DTNB: variants seen among roughly 807,000 people sequenced by gnomAD.
The protein encoded by DTNB is dystrobrevin beta.
In DTNB, 63 loss-of-function variants were observed where a neutral mutation model predicts 90.7. That is an observed-to-expected ratio of 0.69 (90% CI 0.57 to 0.86). The LOEUF (loss-of-function observed/expected upper bound fraction) is 0.86. Among genes scored for constraint, DTNB ranks in the 40% least tolerant of loss-of-function variants. The pLI is 0.00. For missense variants in DTNB, 744 were observed against 807.1 expected (o/e 0.92, Z 0.95); for synonymous variants, 277 against 286.7 (o/e 0.97, Z 0.34).
chr2:25,551,943 A>T (rs114635002), intron 8 of DTNB, among the ~76,000 whole-genome samples: 99 of 152,378 alleles, frequency 6.5e-4, no homozygotes, highest in Non-Finnish European at 1.1e-3. Context: ...CTTCAGCTAT[A>T]AACCCTGTTA....
intron 5 of DTNB, 142 bp downstream of exon 5, chr2:25,607,094 T>TA: frequency 1.3e-6 from 1 of 792,830 alleles, no homozygotes; most frequent in South Asian, 2.2e-5. Flanking sequence ...ATAACTCACC[T>TA]ACTGTGAGCC....
At chr2:25,590,904 A>G (rs1236368864) in intron 6 of DTNB, among the ~76,000 whole-genome samples, 3 of 152,124 alleles carry the variant, frequency 2.0e-5, no homozygotes, top group African/African-American at 7.2e-5. Context: ...TGTTCATGGC[A>G]CCCAGGTGTT....
chr2:25,466,944 T>C (rs1257554475), intron 10 of DTNB, among the ~76,000 whole-genome samples: 1 of 152,220 alleles, frequency 6.6e-6, no homozygotes, highest in Non-Finnish European at 1.5e-5. Flanking sequence ...GTGAAAGAGT[T>C]CCGTCAAAGT....
chr2:25,407,877 A>G (rs1402985068), intron 16 of DTNB, among the ~76,000 whole-genome samples: 1 of 152,046 alleles, frequency 6.6e-6, no homozygotes, highest in African/African-American at 2.4e-5. Context: ...CCACTAAATC[A>G]CTCATCCATG....
intron 9 of DTNB, among the ~76,000 whole-genome samples, chr2:25,520,369 C>A (rs570072661): frequency 6.6e-6 from 1 of 152,212 alleles, no homozygotes; most frequent in Non-Finnish European, 1.5e-5. Context: ...AAGACTCCGT[C>A]TCAAACAAAC....
At chr2:25,474,835 C>T (rs2063460849) in intron 10 of DTNB, among the ~76,000 whole-genome samples, 1 of 152,156 alleles carries the variant, frequency 6.6e-6, no homozygotes, top group African/African-American at 2.4e-5. Context: ...TCAAACTTCT[C>T]CATTATTATC....
intron 1 of DTNB, among the ~76,000 whole-genome samples, chr2:25,654,274 G>C (rs950127532): frequency 6.6e-6 from 1 of 152,162 alleles, no homozygotes; most frequent in Non-Finnish European, 1.5e-5. Flanking sequence ...ACCACCTTTA[G>C]AGATTGGCCT....
chr2:25,485,059 T>C (rs541522163), intron 9 of DTNB, among the ~76,000 whole-genome samples: 35 of 152,370 alleles, frequency 2.3e-4, no homozygotes, highest in African/African-American at 7.9e-4. Flanking sequence ...GTCCTGGAAA[T>C]AGAATGGGCT....
At chr2:25,470,382 T>C (rs1449058398) in intron 10 of DTNB, among the ~76,000 whole-genome samples, 1 of 150,808 alleles carries the variant, frequency 6.6e-6, no homozygotes, top group Non-Finnish European at 1.5e-5. Context: ...TTTTTTTTTT[T>C]TTTTTTTTTG....
rs2051011713 is a variant in DTNB, at chr2:25,424,890, G to T, written c.1554+2645C>A. On this transcript the variant is annotated intron_variant, in intron 15 of 20. Coordinates refer to ENST00000406818, the MANE Select transcript of DTNB (RefSeq NM_021907.5). The surrounding 1 kb of genome is among the most constrained non-coding windows in gnomAD (Gnocchi z 4.1). ...GCCATGTCAGCCAGGCTGAACTCCT[G>T]GCCTCAAGTGATCCACCCATCTTGG... 6.6e-6 allele frequency among the ~76,000 whole-genome samples: 1 copy of T among 152,052 alleles called. No homozygotes were observed. The highest frequency in any genetic ancestry group is 1.5e-5 in the Non-Finnish European group (1 of 67,994).
chr2:25,396,731 TAAA>T (rs35592591), intron 16 of DTNB, among the ~76,000 whole-genome samples: 4 of 87,616 alleles, frequency 4.6e-5, no homozygotes, highest in Admixed American at 1.3e-4. Flanking sequence ...TAAAAGGAAC[TAAA>T]AAAAAAAAAA....
At chr2:25,411,512 C>T (rs1245578119) in intron 16 of DTNB, among the ~76,000 whole-genome samples, 1 of 152,110 alleles carries the variant, frequency 6.6e-6, no homozygotes, top group Non-Finnish European at 1.5e-5. Context: ...CTTGCAAGGC[C>T]ATGTGTGGGA....
At chr2:25,615,833 C>T (rs1337904175) in intron 4 of DTNB, among the ~76,000 whole-genome samples, 3 of 152,150 alleles carry the variant, frequency 2.0e-5, no homozygotes, top group Non-Finnish European at 2.9e-5. Context: ...TTTTAGAGTT[C>T]TAAACCCATA....
chr2:25,672,916 C>G (rs1436631832), intron 1 of DTNB: 1 of 152,282 alleles, frequency 6.6e-6, no homozygotes, highest in Admixed American at 6.5e-5. Context: ...CGCTATTAGG[C>G]GCCTCGGGAA....
At chr2:25,668,003 G>A (rs1287254768) in intron 1 of DTNB, among the ~76,000 whole-genome samples, 1 of 152,204 alleles carries the variant, frequency 6.6e-6, no homozygotes, top group Non-Finnish European at 1.5e-5. Context: ...ACTTTGGGAG[G>A]CCAAGGCAGG....
Position 25,554,859 on chromosome 2 carries a change from T to C in DTNB, c.876+21979A>G, listed in dbSNP as rs1193238060. On this transcript the variant is annotated intron_variant, in intron 8 of 20. Transcript: ENST00000406818. Reference sequence around the variant, plus strand: ...CATAAATTATGAATGGTCACATACATATGAGTAATAAAAAACAAAAATATA... The same window carrying C: ...CATAAATTATGAATGGTCACATACACATGAGTAATAAAAAACAAAAATATA... 2.6e-5 allele frequency among the ~76,000 whole-genome samples: 4 copies of C among 152,124 alleles called. No individual in the cohort carries two copies. In the East Asian group the frequency reaches 7.7e-4, roughly 29 times the overall value.
chr2:25,600,537 G>A (rs1369606757), intron 5 of DTNB, among the ~76,000 whole-genome samples: 2 of 152,152 alleles, frequency 1.3e-5, no homozygotes, highest in Non-Finnish European at 2.9e-5. Flanking sequence ...TTTTACATGA[G>A]AAAAATAAAT....
intron 9 of DTNB, among the ~76,000 whole-genome samples, chr2:25,494,492 C>T (rs1055240629): frequency 1.7e-4 from 3 of 18,048 alleles, no homozygotes; most frequent in African/African-American, 4.1e-4. Flanking sequence ...GGGGGGAGTG[C>T]GGGGGTGGTT....
intron 9 of DTNB, among the ~76,000 whole-genome samples, chr2:25,490,100 A>AC (rs2067051996): frequency 1.3e-5 from 2 of 152,154 alleles, no homozygotes; most frequent in South Asian, 4.1e-4. Flanking sequence ...ACATGGCAAG[A>AC]CCCCATCTCT....
Sources: allele counts gnomAD v4.1 joint callset (sites outside exome capture counted in the v4.1 genomes callset), GRCh38; gene constraint gnomAD v4.1.1; non-coding constraint Gnocchi (gnomAD v3.1); transcripts MANE v1.5; gene names NCBI Gene and HGNC (gene_info 2026-07-23, HGNC 2026-07-21).